The following AGBL4 variants were observed in gnomAD, a reference collection of about 807,000 sequenced individuals.
The protein encoded by AGBL4 is cytosolic carboxypeptidase 6.
Under a neutral mutation model 66.4 loss-of-function variants are expected in AGBL4, and 58 were observed. The observed-to-expected ratio is 0.87, with a 90% CI of 0.71 to 1.09. AGBL4 has a LOEUF of 1.09. Ranked by LOEUF, AGBL4 falls within the 50% of genes least tolerant of loss-of-function variation. AGBL4 has a pLI of 0.00. For synonymous variants in AGBL4, 234 were observed against 222.9 expected (o/e 1.05, Z -0.44); for missense variants, 579 against 631.0 (o/e 0.92, Z 0.88).
At chr1:49,051,875 G>A (rs1383451822) in intron 4 of AGBL4, among the ~76,000 whole-genome samples, 1 of 152,038 alleles carries the variant, frequency 6.6e-6, no homozygotes, top group Non-Finnish European at 1.5e-5. Flanking sequence ...CTCAGATACA[G>A]GCAACACATT....
At chr1:49,513,937 A>C (rs1649510152) in intron 3 of AGBL4, among the ~76,000 whole-genome samples, 1 of 151,974 alleles carries the variant, frequency 6.6e-6, no homozygotes, top group Non-Finnish European at 1.5e-5. Context: ...ACTCCATTTC[A>C]TGGGCTAAGA....
intron 12 of AGBL4, 95 bp from the exon 13 acceptor site, chr1:48,535,011 G>C: frequency 1.7e-6 from 2 of 1,150,778 alleles, no homozygotes; most frequent in Non-Finnish European, 2.5e-6. Flanking sequence ...GAAGGATGTT[G>C]TTTTTAACAC....
chr1:50,008,370 GA>G (rs1167101541), intron 1 of AGBL4, among the ~76,000 whole-genome samples: 1 of 152,104 alleles, frequency 6.6e-6, no homozygotes, highest in East Asian at 1.9e-4. Flanking sequence ...AGGAATTTTG[GA>G]ATCTATAGAA....
chr1:49,773,877 AG>A (rs966497254), intron 2 of AGBL4, among the ~76,000 whole-genome samples: 31 of 152,332 alleles, frequency 2.0e-4, no homozygotes, highest in Admixed American at 1.9e-3. Context: ...CCTGGGTGAC[AG>A]GATGCCTCAT....
chr1:49,758,297 C>T (rs535239404), intron 2 of AGBL4, among the ~76,000 whole-genome samples: 2 of 152,156 alleles, frequency 1.3e-5, no homozygotes, highest in Non-Finnish European at 2.9e-5. Context: ...TCATGGAGAA[C>T]CTCTTGCTAG....
intron 6 of AGBL4, among the ~76,000 whole-genome samples, chr1:48,855,817 T>C (rs1389149669): frequency 1.3e-5 from 2 of 152,202 alleles, no homozygotes; most frequent in East Asian, 3.9e-4. Flanking sequence ...AGAATAAATA[T>C]ACTTTTAAAA....
intron 3 of AGBL4, among the ~76,000 whole-genome samples, chr1:49,520,222 T>G (rs555364292): frequency 1.3e-5 from 2 of 152,062 alleles, no homozygotes; most frequent in Non-Finnish European, 2.9e-5. Context: ...TATGCTTGTT[T>G]TATTTATCAT....
chr1:49,503,637 C>T (rs921889388), intron 3 of AGBL4, among the ~76,000 whole-genome samples: 7 of 152,172 alleles, frequency 4.6e-5, no homozygotes, highest in African/African-American at 1.7e-4. Flanking sequence ...ATCAGGTGAC[C>T]TGGATGTGAG....
intron 3 of AGBL4, among the ~76,000 whole-genome samples, chr1:49,379,283 G>A (rs1644540230): frequency 6.6e-6 from 1 of 152,052 alleles, no homozygotes; most frequent in East Asian, 1.9e-4. Context: ...TGCCTAGAAT[G>A]GTTTGTATGA....
chr1:49,333,513 C>A (rs1276164056), intron 3 of AGBL4, among the ~76,000 whole-genome samples: 2 of 151,974 alleles, frequency 1.3e-5, no homozygotes, highest in Non-Finnish European at 2.9e-5. Context: ...AACAAAAAAA[C>A]CATAAAATTC....
chr1:49,437,758 G>A (rs1172066081), intron 3 of AGBL4, among the ~76,000 whole-genome samples: 2 of 147,630 alleles, frequency 1.4e-5, no homozygotes, highest in Non-Finnish European at 2.9e-5. Flanking sequence ...AAGTCTTGTG[G>A]AAATTATTAG....
intron 5 of AGBL4, among the ~76,000 whole-genome samples, chr1:48,958,114 T>A (rs1245170129): frequency 6.6e-6 from 1 of 152,112 alleles, no homozygotes. Flanking sequence ...TGCCTCGGCC[T>A]CCCAAAGTGC....
intron 4 of AGBL4, among the ~76,000 whole-genome samples, chr1:49,093,223 G>C (rs1240748163): frequency 9.9e-5 from 15 of 152,120 alleles, no homozygotes; most frequent in African/African-American, 1.7e-4. Context: ...TTGCTGATGA[G>C]GGGGCTCTAG....
intron 4 of AGBL4, among the ~76,000 whole-genome samples, chr1:49,117,646 A>C (rs1645555930): frequency 6.6e-6 from 1 of 152,134 alleles, no homozygotes; most frequent in South Asian, 2.1e-4. Context: ...TTTGAAGTCA[A>C]GTAGCGTGAT....
chr1:48,791,251 G>T (rs1407594774), intron 6 of AGBL4, among the ~76,000 whole-genome samples: 2 of 152,178 alleles, frequency 1.3e-5, no homozygotes, highest in Non-Finnish European at 2.9e-5. Flanking sequence ...TCGGGCATTA[G>T]CTTACCTAGT....
At chr1:48,956,201 T>G (rs1657432745) in intron 5 of AGBL4, among the ~76,000 whole-genome samples, 1 of 152,212 alleles carries the variant, frequency 6.6e-6, no homozygotes, top group African/African-American at 2.4e-5. Flanking sequence ...TTGGATTTAG[T>G]GTGGGATGAC....
At chr1:49,135,640 G>A (rs1165761271) in intron 4 of AGBL4, among the ~76,000 whole-genome samples, 1 of 152,172 alleles carries the variant, frequency 6.6e-6, no homozygotes, top group East Asian at 1.9e-4. Flanking sequence ...AATAGGTTGG[G>A]CTAGTTAACT....
At chr1:49,130,673 G>A (rs867729975) in intron 4 of AGBL4, among the ~76,000 whole-genome samples, 28 of 151,794 alleles carry the variant, frequency 1.8e-4, no homozygotes, top group Admixed American at 3.9e-4. Flanking sequence ...ATTGATCTAT[G>A]TCTCTGTTTT....
At chr1:49,923,430 T>C (rs4593876) in intron 1 of AGBL4, among the ~76,000 whole-genome samples, 104,278 of 151,812 alleles carry the variant, frequency 0.69, 36,575 homozygotes, top group African/African-American at 0.79. Flanking sequence ...GATGAAGATG[T>C]GATGATGGTG....
Sources: gnomAD v4.1 joint callset for allele counts (sites outside exome capture counted in the v4.1 genomes callset) on GRCh38, gnomAD v4.1.1 for gene constraint, MANE v1.5 for transcripts, NCBI Gene and HGNC (gene_info 2026-07-23, HGNC 2026-07-21) for gene names.